Variants in PLEKHA7 observed in about 807,000 individuals in gnomAD.
PLEKHA7 encodes pleckstrin homology domain-containing family A member 7.
A neutral mutation model predicts 170.0 loss-of-function variants in PLEKHA7; 104 were observed. The ratio of observed to expected loss-of-function variants is 0.61; its 90% CI spans 0.52 to 0.72. The LOEUF (loss-of-function observed/expected upper bound fraction) is 0.72. PLEKHA7 is among the 30% of genes least tolerant of loss of function. The pLI is 0.00. For missense variants in PLEKHA7, 1,615 were observed against 1,671.7 expected (o/e 0.97, Z 0.59); for synonymous variants, 648 against 660.8 (o/e 0.98, Z 0.30).
chr11:16,905,894 T>C (rs1857626940), intron 3 of PLEKHA7, among the ~76,000 whole-genome samples: 1 of 152,218 alleles, frequency 6.6e-6, no homozygotes, highest in African/African-American at 2.4e-5. Flanking sequence ...GATGAGGCTC[T>C]AGAAGGTTAA....
chr11:16,987,628 T>A (rs1863814657), intron 3 of PLEKHA7, among the ~76,000 whole-genome samples: 1 of 152,140 alleles, frequency 6.6e-6, no homozygotes, highest in Admixed American at 6.5e-5. Context: ...TCCCAGGAAC[T>A]CCTTACCCCA....
chr11:16,985,171 A>G (rs1184706384), intron 3 of PLEKHA7, among the ~76,000 whole-genome samples: 1 of 152,248 alleles, frequency 6.6e-6, no homozygotes, highest in East Asian at 1.9e-4. Context: ...AAGAATGCCC[A>G]GCACCTGGCC....
chr11:16,857,061 T>C lies in PLEKHA7; in HGVS notation c.306-1147A>G, dbSNP rs113684196. Among the ~76,000 whole-genome samples the C allele has an allele frequency of 4.0e-3, 612 of 152,116 alleles. 7 individuals are homozygous for C. The highest frequency in any genetic ancestry group is 0.014 in the African/African-American group (586 of 41,492). ...GTCCTTCACACAGACACTTTTAGAG[T>C]GATACAATGAGGGAACATCCTAGTT... On this transcript the variant is annotated intron_variant, in intron 4 of 26. Coordinates refer to ENST00000531066, the MANE Select transcript of PLEKHA7 (RefSeq NM_001329630.2).
At chr11:16,851,440 T>TG in intron 7 of PLEKHA7, 149 bp from the exon 8 acceptor site, 2 of 468,370 alleles carry the variant, frequency 4.3e-6, no homozygotes, top group Non-Finnish European at 7.5e-6. Flanking sequence ...GCTCTACCCA[T>TG]TCTTTTTATT....
At position 16,967,976 on chromosome 11, in the gene PLEKHA7, C is replaced by G. The variant is rs80028265; in HGVS notation, c.221+46013G>C. Among the ~76,000 whole-genome samples the G allele has an allele frequency of 9.0e-3, 1,368 of 152,222 alleles. 23 individuals carry two copies. The highest frequency in any genetic ancestry group is 0.031 in the African/African-American group (1,278 of 41,516). ...CTCCCTTGGCATGGAAAGAGGGGCT[C>G]AGGGCATATAGGAAAGTGAGGAGGA... On this transcript the variant is annotated intron_variant, in intron 3 of 26. Transcript: ENST00000531066.
chr11:16,832,192 C>T (rs1268484080), intron 9 of PLEKHA7, among the ~76,000 whole-genome samples: 1 of 152,224 alleles, frequency 6.6e-6, no homozygotes, highest in Non-Finnish European at 1.5e-5. Flanking sequence ...CACAGTGCTA[C>T]TGTACCAACC....
At chr11:16,878,489 T>C (rs1391888357) in intron 3 of PLEKHA7, among the ~76,000 whole-genome samples, 1 of 152,202 alleles carries the variant, frequency 6.6e-6, no homozygotes, top group Non-Finnish European at 1.5e-5. Context: ...GTACCATTCT[T>C]CCCCTTGTCC....
chr11:16,899,680 G>T (rs1442615074), intron 3 of PLEKHA7, among the ~76,000 whole-genome samples: 1 of 152,096 alleles, frequency 6.6e-6, no homozygotes, highest in African/African-American at 2.4e-5. Context: ...TTTACTGAAG[G>T]CCCGCTATGT....
chr11:16,893,161 T>C (rs1237064693), intron 3 of PLEKHA7, among the ~76,000 whole-genome samples: 3 of 152,068 alleles, frequency 2.0e-5, no homozygotes, highest in African/African-American at 7.3e-5. Flanking sequence ...GGTATTATCA[T>C]CTTAACTCAG....
At chr11:16,827,775 AAT>A (rs1351075956) in intron 9 of PLEKHA7, among the ~76,000 whole-genome samples, 1 of 151,894 alleles carries the variant, frequency 6.6e-6, no homozygotes, top group African/African-American at 2.4e-5. Flanking sequence ...GACTAGAAAA[AAT>A]AACAAAGACG....
chr11:16,903,603 A>T (rs1857473046), intron 3 of PLEKHA7, among the ~76,000 whole-genome samples: 1 of 152,202 alleles, frequency 6.6e-6, no homozygotes. Flanking sequence ...GAGAAGGTGA[A>T]AAGGCCTCCA....
chr11:16,931,676 A>G (rs2136328782), intron 3 of PLEKHA7, among the ~76,000 whole-genome samples: 1 of 151,832 alleles, frequency 6.6e-6, no homozygotes, highest in Middle Eastern at 3.4e-3. Context: ...AATGCCTTGA[A>G]CCCAGGAGGC....
chr11:16,813,018 C>T (rs781361143), intron 13 of PLEKHA7, 95 bp downstream of exon 13: 14 of 1,008,710 alleles, frequency 1.4e-5, no homozygotes, highest in Non-Finnish European at 1.9e-5. Context: ...TTGGATAAGA[C>T]CTGTCTGGCC....
At chr11:16,793,145 G>T (rs191870132) in intron 19 of PLEKHA7, among the ~76,000 whole-genome samples, 1 of 152,212 alleles carries the variant, frequency 6.6e-6, no homozygotes, top group South Asian at 2.1e-4. Flanking sequence ...GGGAAGGGAC[G>T]GACTTGCCTG....
intron 3 of PLEKHA7, among the ~76,000 whole-genome samples, chr11:16,894,279 C>T (rs1024103253): frequency 3.9e-5 from 6 of 152,132 alleles, no homozygotes; most frequent in South Asian, 2.1e-4. Flanking sequence ...GGGATGATTT[C>T]GGAAATTCTC....
intron 3 of PLEKHA7, among the ~76,000 whole-genome samples, chr11:16,951,354 C>T (rs1469990420): frequency 1.3e-5 from 2 of 150,674 alleles, no homozygotes; most frequent in Non-Finnish European, 2.9e-5. Flanking sequence ...GACATCATGA[C>T]GATGATGATG....
chr11:16,796,895 C>T lies in PLEKHA7; in HGVS notation c.2410-1877G>A, dbSNP rs544672073. On this transcript the variant is annotated intron_variant, in intron 17 of 26. Transcript: ENST00000531066. ...GTTGCCCAGGATGGTCTTGAACTCC[C>T]GGCTCCAAGTGATCCTCCTGCTTTG... 6.6e-5 allele frequency among the ~76,000 whole-genome samples: 10 copies of T among 152,056 alleles called. 1 individual carries two copies. The South Asian group carries it at 1.7e-3, about 25-fold the overall frequency.
At chr11:16,782,675 G>A (rs779611625) in intron 26 of PLEKHA7, 79 bp downstream of exon 26, 13 of 1,498,396 alleles carry the variant, frequency 8.7e-6, no homozygotes, top group Non-Finnish European at 1.2e-5. Flanking sequence ...CACTGGCTCT[G>A]GAACAGGCCA....
At chr11:16,827,994 A>G (rs1850796435) in intron 9 of PLEKHA7, among the ~76,000 whole-genome samples, 1 of 152,204 alleles carries the variant, frequency 6.6e-6, no homozygotes, top group Non-Finnish European at 1.5e-5. Context: ...AACCTCAGCT[A>G]TCAATAAACA....
Sources: gnomAD v4.1 joint callset for allele counts (sites outside exome capture counted in the v4.1 genomes callset) on GRCh38, gnomAD v4.1.1 for gene constraint, MANE v1.5 for transcripts, NCBI Gene and HGNC (gene_info 2026-07-23, HGNC 2026-07-21) for gene names.